The following HECW1 variants were observed in gnomAD, a reference collection of about 807,000 sequenced individuals.
HECW1 encodes the protein E3 ubiquitin-protein ligase HECW1.
In HECW1, 61 loss-of-function variants were observed where a neutral mutation model predicts 182.3. That is an observed-to-expected ratio of 0.33 (90% CI 0.27 to 0.41). The LOEUF is 0.41. Ranked by LOEUF, HECW1 falls within the 10% of genes least tolerant of loss-of-function variation. The pLI is 1.00. For synonymous variants in HECW1, 859 were observed against 832.6 expected (o/e 1.03, Z -0.55); for missense variants, 1,739 against 2,108.9 (o/e 0.82, Z 3.44).
chr7:43,309,392 CT>C (rs1204102485), intron 3 of HECW1, among the ~76,000 whole-genome samples: 2 of 152,194 alleles, frequency 1.3e-5, no homozygotes, highest in Admixed American at 6.5e-5. Flanking sequence ...TGACAAACGT[CT>C]TCTTTGACTA....
intron 17 of HECW1, among the ~76,000 whole-genome samples, chr7:43,486,700 C>T (rs1293939839): frequency 6.6e-6 from 1 of 152,212 alleles, no homozygotes; most frequent in African/African-American, 2.4e-5. Context: ...TATGGGAACA[C>T]CATTGCCTAT....
chr7:43,498,186 C>T (rs1197991660), intron 19 of HECW1, among the ~76,000 whole-genome samples: 2 of 152,180 alleles, frequency 1.3e-5, no homozygotes, highest in African/African-American at 4.8e-5. Context: ...TGGAGAGCCA[C>T]CAAAACTCTC....
chr7:43,493,853 G>A (rs2079022984), intron 19 of HECW1, among the ~76,000 whole-genome samples: 1 of 152,182 alleles, frequency 6.6e-6, no homozygotes, highest in African/African-American at 2.4e-5. Flanking sequence ...AACAGGTAGG[G>A]ACTATTGATG....
chr7:43,379,207 C>T (rs2074449852), intron 6 of HECW1, among the ~76,000 whole-genome samples: 1 of 152,204 alleles, frequency 6.6e-6, no homozygotes, highest in Non-Finnish European at 1.5e-5. Context: ...CTTTAACGCT[C>T]AATCCCAGAA....
chr7:43,468,491 G>A (rs189783524), intron 15 of HECW1, among the ~76,000 whole-genome samples: 112 of 152,190 alleles, frequency 7.4e-4, no homozygotes, highest in Non-Finnish European at 1.5e-3. Flanking sequence ...GATAGTCCAT[G>A]TGGGCCAAGG....
chr7:43,310,708 G>A (rs920948033), intron 3 of HECW1, among the ~76,000 whole-genome samples: 2 of 152,202 alleles, frequency 1.3e-5, no homozygotes, highest in Non-Finnish European at 2.9e-5. Flanking sequence ...GACTATTGCT[G>A]TGGTCTGCTC....
intron 2 of HECW1, among the ~76,000 whole-genome samples, chr7:43,161,931 T>C (rs1392408549): frequency 6.6e-6 from 1 of 152,248 alleles, no homozygotes; most frequent in Non-Finnish European, 1.5e-5. Context: ...CTTGAGCTTT[T>C]CATGGGCTTG....
chr7:43,488,853 C>T (rs576749070), intron 17 of HECW1, among the ~76,000 whole-genome samples: 25 of 152,332 alleles, frequency 1.6e-4, no homozygotes, highest in African/African-American at 6.0e-4. Context: ...GCCGTATCTC[C>T]CCCTGTGTTA....
intron 29 of HECW1, 76 bp downstream of exon 29, chr7:43,554,866 A>G: frequency 7.4e-7 from 1 of 1,351,250 alleles, no homozygotes; most frequent in Non-Finnish European, 1.0e-6. Context: ...ATTTTGAGTG[A>G]CCATCCTTTG....
At chr7:43,122,414 A>C (rs189305514) in intron 2 of HECW1, among the ~76,000 whole-genome samples, 39 of 152,302 alleles carry the variant, frequency 2.6e-4, no homozygotes, top group Admixed American at 2.4e-3. Context: ...TTTTTAGGTC[A>C]TCTGAAAGAA....
chr7:43,407,867 G>A, intron 8 of HECW1, 136 bp downstream of exon 8: 1 of 769,704 alleles, frequency 1.3e-6, no homozygotes, highest in Non-Finnish European at 2.0e-6. Context: ...TCTTAGAAGG[G>A]AGCCATGTTC....
intron 3 of HECW1, among the ~76,000 whole-genome samples, chr7:43,250,575 A>T (rs1562734831): frequency 6.6e-6 from 1 of 152,168 alleles, no homozygotes; most frequent in Non-Finnish European, 1.5e-5. Flanking sequence ...AGGAAGGTGG[A>T]GAAGAGAGCG....
intron 8 of HECW1, among the ~76,000 whole-genome samples, chr7:43,412,272 T>C (rs2075826146): frequency 6.6e-6 from 1 of 152,068 alleles, no homozygotes. Context: ...GTTATAGTTA[T>C]TATATATATC....
chr7:43,527,022 G>A (rs2080785930), intron 24 of HECW1, among the ~76,000 whole-genome samples: 1 of 152,190 alleles, frequency 6.6e-6, no homozygotes, highest in East Asian at 1.9e-4. Context: ...TGAGGCTATA[G>A]CAGGTTTCAG....
intron 2 of HECW1, among the ~76,000 whole-genome samples, chr7:43,223,989 C>T (rs574422034): frequency 2.6e-4 from 39 of 152,270 alleles, no homozygotes; most frequent in African/African-American, 9.4e-4. Context: ...CCCCTCTTCC[C>T]GCTCCCACAT....
At chr7:43,362,220 T>C (rs1816048127) in intron 6 of HECW1, among the ~76,000 whole-genome samples, 1 of 151,682 alleles carries the variant, frequency 6.6e-6, no homozygotes, top group South Asian at 2.1e-4. Flanking sequence ...CCAAAAAATA[T>C]TCCATTTTGC....
At chr7:43,161,940 T>C (rs979088213) in intron 2 of HECW1, among the ~76,000 whole-genome samples, 1 of 152,242 alleles carries the variant, frequency 6.6e-6, no homozygotes, top group Admixed American at 6.5e-5. Flanking sequence ...TTCATGGGCT[T>C]GCGCCTTTCA....
intron 2 of HECW1, among the ~76,000 whole-genome samples, chr7:43,199,657 T>A (rs1794852643): frequency 6.6e-6 from 1 of 152,200 alleles, no homozygotes; most frequent in Non-Finnish European, 1.5e-5. Context: ...AATATCTAGA[T>A]TAATATATTT....
rs1407926632 is a variant in HECW1 at position 43,445,266 on chromosome 7, C to T, written c.2094C>T (p.Tyr698=). ...YSTSCYSSSC[Y]SASCYSPSCY... ...CGTCCTGCTACAGCAGCTCGTGCTA[C>T]AGCGCCTCGTGCTACAGCCCCTCCT... The change falls in exon 11 of 30, where the codon TAC becomes TAT. Residue 698 remains tyrosine, a synonymous_variant. Transcript: ENST00000395891. 1 of 1,612,912 alleles carries T rather than the reference C, an allele frequency of 6.2e-7. No individual in the cohort carries two copies. The highest frequency in any genetic ancestry group is 2.2e-5 in the East Asian group (1 of 44,880).
Sources: gnomAD v4.1 joint callset for allele counts (sites outside exome capture counted in the v4.1 genomes callset) on GRCh38, gnomAD v4.1.1 for gene constraint, MANE v1.5 for transcripts, NCBI Gene and HGNC (gene_info 2026-07-23, HGNC 2026-07-21) for gene names.